Variants in RXFP1 observed in about 807,000 individuals in gnomAD.
The protein encoded by RXFP1 is relaxin receptor 1.
Under a neutral mutation model 89.8 loss-of-function variants are expected in RXFP1, and 73 were observed. That is an observed-to-expected ratio of 0.81 (90% CI 0.67 to 0.99). RXFP1 has a LOEUF of 0.99. RXFP1 is among the 50% of genes least tolerant of loss of function. RXFP1 has a pLI of 0.00. For synonymous variants in RXFP1, 277 were observed against 305.5 expected, an observed-to-expected ratio of 0.91 and a Z score of 0.97; for missense variants, 793 against 895.5, an observed-to-expected ratio of 0.89 and a Z score of 1.46.
intron 2 of RXFP1, among the ~76,000 whole-genome samples, chr4:158,579,813 A>T (rs1268474536): frequency 6.6e-6 from 1 of 152,224 alleles, no homozygotes; most frequent in Non-Finnish European, 1.5e-5. Flanking sequence ...CCTCCTAAAG[A>T]TGATTTTGCT....
intron 2 of RXFP1, among the ~76,000 whole-genome samples, chr4:158,589,535 C>T (rs1758993575): frequency 6.6e-6 from 1 of 152,098 alleles, no homozygotes. Flanking sequence ...AATGAAAGGG[C>T]CTGAGGAGAG....
intron 14 of RXFP1, among the ~76,000 whole-genome samples, chr4:158,641,159 T>C (rs1396839893): frequency 2.0e-5 from 3 of 152,250 alleles, no homozygotes; most frequent in African/African-American, 7.2e-5. Context: ...ATTCCTTTCT[T>C]GTATGCAACA....
At chr4:158,565,146 G>A (rs1031151465) in intron 1 of RXFP1, among the ~76,000 whole-genome samples, 7 of 152,106 alleles carry the variant, frequency 4.6e-5, no homozygotes, top group African/African-American at 1.4e-4. Flanking sequence ...GGCGAGGAGA[G>A]CATCCATGCA....
intron 5 of RXFP1, among the ~76,000 whole-genome samples, 172 bp from the exon 6 acceptor site, chr4:158,607,800 C>A (rs553678471): frequency 6.6e-6 from 1 of 152,280 alleles, no homozygotes; most frequent in Admixed American, 6.5e-5. Context: ...TCATCAAATA[C>A]ACATAACATA....
At chr4:158,626,451 C>T (rs1417928314) in intron 9 of RXFP1, among the ~76,000 whole-genome samples, 1 of 151,962 alleles carries the variant, frequency 6.6e-6, no homozygotes, top group Non-Finnish European at 1.5e-5. Flanking sequence ...AGGGAAATGC[C>T]ATCGGTAACT....
intron 9 of RXFP1, among the ~76,000 whole-genome samples, chr4:158,624,845 G>A: frequency 6.6e-6 from 1 of 152,100 alleles, no homozygotes; most frequent in Middle Eastern, 3.4e-3. Flanking sequence ...TATTAACACA[G>A]GAGGGGGGAA....
chr4:158,556,039 C>T (rs1325271265), intron 1 of RXFP1, among the ~76,000 whole-genome samples: 1 of 151,948 alleles, frequency 6.6e-6, no homozygotes, highest in Admixed American at 6.6e-5. Context: ...TTTTAAATAA[C>T]ACCTCTTAAA....
intron 1 of RXFP1, among the ~76,000 whole-genome samples, chr4:158,532,972 T>C (rs1744420264): frequency 6.6e-6 from 1 of 152,218 alleles, no homozygotes; most frequent in Non-Finnish European, 1.5e-5. Context: ...TCCCTTCCCC[T>C]ACAGAGTTTT....
intron 9 of RXFP1, among the ~76,000 whole-genome samples, chr4:158,626,271 A>G (rs1766812398): frequency 2.0e-5 from 3 of 152,106 alleles, no homozygotes; most frequent in African/African-American, 7.2e-5. Flanking sequence ...CCTTTGAGAC[A>G]ATATAAAAAG....
At chr4:158,538,132 C>G (rs1477584668) in intron 1 of RXFP1, among the ~76,000 whole-genome samples, 2 of 152,140 alleles carry the variant, frequency 1.3e-5, no homozygotes, top group Non-Finnish European at 2.9e-5. Context: ...AGGTTTGGCC[C>G]ATTTATGTAA....
chr4:158,565,323 T>C (rs1211059118), intron 1 of RXFP1, among the ~76,000 whole-genome samples: 2 of 152,206 alleles, frequency 1.3e-5, no homozygotes, highest in Non-Finnish European at 2.9e-5. Context: ...ATTAGAAATA[T>C]ACAGAGAAAT....
chr4:158,641,545 C>A (rs1215728405), intron 14 of RXFP1, among the ~76,000 whole-genome samples: 2 of 152,168 alleles, frequency 1.3e-5, no homozygotes, highest in Admixed American at 6.6e-5. Context: ...AATCAACACT[C>A]CTTCTTTCCT....
At chr4:158,643,085 T>G (rs1770701147) in intron 14 of RXFP1, among the ~76,000 whole-genome samples, 1 of 152,166 alleles carries the variant, frequency 6.6e-6, no homozygotes, top group Admixed American at 6.5e-5. Flanking sequence ...TGGCACCATG[T>G]TGTCTGCTTC....
chr4:158,553,675 G>A (rs1216866264), intron 1 of RXFP1, among the ~76,000 whole-genome samples: 2 of 152,142 alleles, frequency 1.3e-5, no homozygotes, highest in Non-Finnish European at 2.9e-5. Flanking sequence ...CAGAAAGGCA[G>A]GGGAAGGTTA....
chr4:158,560,998 G>T (rs183678546), intron 1 of RXFP1, among the ~76,000 whole-genome samples: 8 of 152,084 alleles, frequency 5.3e-5, no homozygotes, highest in Admixed American at 3.9e-4. Flanking sequence ...ATTATACTTG[G>T]GTTTAAAATT....
At chr4:158,540,545 G>A (rs1406248730) in intron 1 of RXFP1, among the ~76,000 whole-genome samples, 2 of 151,158 alleles carry the variant, frequency 1.3e-5, no homozygotes, top group Non-Finnish European at 2.9e-5. Flanking sequence ...AGGTCTTTAT[G>A]ACCTGTATCT....
intron 2 of RXFP1, among the ~76,000 whole-genome samples, chr4:158,584,381 C>T (rs35062917): frequency 0.13 from 20,177 of 151,420 alleles, 1,765 homozygotes; most frequent in Non-Finnish European, 0.2. Flanking sequence ...TTGCAGTGAG[C>T]CAAGATCATG....
chr4:158,643,099 A>G (rs964838773), intron 14 of RXFP1, among the ~76,000 whole-genome samples: 1 of 152,088 alleles, frequency 6.6e-6, no homozygotes, highest in Non-Finnish European at 1.5e-5. Context: ...CTGCTTCTTT[A>G]TTGTACATGT....
chr4:158,543,884 T>G (rs965008113), intron 1 of RXFP1: 1 of 985,322 alleles, frequency 1.0e-6, no homozygotes, highest in African/African-American at 1.7e-5. Flanking sequence ...ATCAATTTAT[T>G]GGCACATTCA....
Sources: gnomAD v4.1 joint callset for allele counts (sites outside exome capture counted in the v4.1 genomes callset) on GRCh38, gnomAD v4.1.1 for gene constraint, MANE v1.5 for transcripts, NCBI Gene and HGNC (gene_info 2026-07-23, HGNC 2026-07-21) for gene names.